Variants in MCC observed in about 807,000 individuals in gnomAD.
MCC encodes the protein MCC regulator of Wnt signaling pathway.
Under a neutral mutation model 116.2 loss-of-function variants are expected in MCC, and 90 were observed. That is an observed-to-expected ratio of 0.77 (90% CI 0.65 to 0.92). The LOEUF is 0.92. Ranked by LOEUF, MCC falls within the 40% of genes least tolerant of loss-of-function variation. MCC has a pLI of 0.00. For synonymous variants in MCC, 578 were observed against 510.5 expected (o/e 1.13, Z -1.78); for missense variants, 1,516 against 1,312.2 (o/e 1.16, Z -2.40).
At chr5:113,462,906 G>C (rs1265433937) in intron 1 of MCC, among the ~76,000 whole-genome samples, 3 of 152,094 alleles carry the variant, frequency 2.0e-5, no homozygotes, top group African/African-American at 7.2e-5. Flanking sequence ...GGGCCAAAAA[G>C]ATATTAACCA....
At chr5:113,238,599 A>G (rs2150337927) in intron 3 of MCC, among the ~76,000 whole-genome samples, 1 of 152,366 alleles carries the variant, frequency 6.6e-6, no homozygotes, top group African/African-American at 2.4e-5. Flanking sequence ...ATACAATTCA[A>G]AAATGAAGGC....
chr5:113,148,312 T>C (rs1561402655), intron 4 of MCC, among the ~76,000 whole-genome samples: 1 of 152,224 alleles, frequency 6.6e-6, no homozygotes, highest in Non-Finnish European at 1.5e-5. Context: ...GCACTTTGTC[T>C]TCCCCATCAC....
At chr5:113,286,662 T>C (rs1766274888) in intron 3 of MCC, among the ~76,000 whole-genome samples, 1 of 152,228 alleles carries the variant, frequency 6.6e-6, no homozygotes, top group Non-Finnish European at 1.5e-5. Flanking sequence ...TTATTGCTTA[T>C]TTACAAAGTT....
At chr5:113,428,462 C>T (rs1046328402) in intron 1 of MCC, among the ~76,000 whole-genome samples, 2 of 152,176 alleles carry the variant, frequency 1.3e-5, no homozygotes, top group African/African-American at 4.8e-5. Context: ...TATGCCCCTT[C>T]CCCAGAGACA....
At chr5:113,248,161 TC>T (rs1411084254) in intron 3 of MCC, among the ~76,000 whole-genome samples, 1 of 151,382 alleles carries the variant, frequency 6.6e-6, no homozygotes, top group African/African-American at 2.4e-5. Context: ...GCCCAAGAGT[TC>T]CAGGTTACAG....
intron 5 of MCC, among the ~76,000 whole-genome samples, chr5:113,141,514 T>TCAGA (rs1759180626): frequency 6.6e-6 from 1 of 152,218 alleles, no homozygotes; most frequent in Non-Finnish European, 1.5e-5. Flanking sequence ...CCAAACCAAT[T>TCAGA]TGCTGGAGTG....
intron 7 of MCC, among the ~76,000 whole-genome samples, chr5:113,103,659 T>C (rs765286847): frequency 1.3e-5 from 2 of 151,350 alleles, no homozygotes; most frequent in Non-Finnish European, 2.9e-5. Flanking sequence ...TGAATTGCTA[T>C]GCCCAGGTCA....
chr5:113,154,947 A>G (rs977382462), intron 3 of MCC, among the ~76,000 whole-genome samples: 1 of 152,152 alleles, frequency 6.6e-6, no homozygotes, highest in Non-Finnish European at 1.5e-5. Flanking sequence ...TGCCAGCTAT[A>G]GTAACCCTAC....
chr5:113,093,137 A>G (rs772745638), intron 8 of MCC, among the ~76,000 whole-genome samples: 3 of 152,260 alleles, frequency 2.0e-5, no homozygotes, highest in Non-Finnish European at 4.4e-5. Context: ...GCAAAACACT[A>G]TCTTAGGACA....
intron 1 of MCC, among the ~76,000 whole-genome samples, chr5:113,445,286 AAAG>A (rs1348780860): frequency 6.6e-5 from 10 of 152,198 alleles, no homozygotes; most frequent in Non-Finnish European, 2.9e-5. Flanking sequence ...CCAGATAGGA[AAAG>A]AAGAAGTCAA....
chr5:113,480,546 A>G (rs894946579), intron 1 of MCC, among the ~76,000 whole-genome samples: 1 of 152,196 alleles, frequency 6.6e-6, no homozygotes, highest in Non-Finnish European at 1.5e-5. Flanking sequence ...CTTCCTCAAG[A>G]ATAAAAGTCG....
In MCC at chr5:113,074,176, C is replaced by T. The variant is rs140239184; in HGVS notation, c.1785-2942G>A. Among the ~76,000 whole-genome samples the T allele has an allele frequency of 3.0e-3, 453 of 152,336 alleles. 1 individual carries two copies. The highest frequency in any genetic ancestry group is 0.01 in the African/African-American group (425 of 41,572). On this transcript the variant is annotated intron_variant, in intron 11 of 18. Transcript: ENST00000408903. The stretch of plus-strand genomic sequence containing the variant: ...CATACAGCTGGGTGCCCCTTTGATA[C>T]GAAGCTTCCAGAGGAAGGATCAGGC...
chr5:113,093,854 TC>T, intron 8 of MCC, among the ~76,000 whole-genome samples: 1 of 152,326 alleles, frequency 6.6e-6, no homozygotes, highest in South Asian at 2.1e-4. Context: ...AAGAGCCTGT[TC>T]TGCTGATGAT....
intron 2 of MCC, among the ~76,000 whole-genome samples, chr5:113,341,587 T>G (rs1305087968): frequency 6.6e-6 from 1 of 152,190 alleles, no homozygotes; most frequent in Non-Finnish European, 1.5e-5. Context: ...CAATAGAATA[T>G]GAACAGAAAT....
At chr5:113,354,994 T>C (rs1768376702) in intron 2 of MCC, among the ~76,000 whole-genome samples, 1 of 152,062 alleles carries the variant, frequency 6.6e-6, no homozygotes, top group Non-Finnish European at 1.5e-5. Flanking sequence ...ATATATATGA[T>C]ATAGATATGT....
At chr5:113,096,885 A>T (rs1439825945) in intron 8 of MCC, among the ~76,000 whole-genome samples, 1 of 152,180 alleles carries the variant, frequency 6.6e-6, no homozygotes, top group Non-Finnish European at 1.5e-5. Context: ...GAGCCACCTG[A>T]GCCTCCCATG....
Position 113,434,973 on chromosome 5 carries a change from G to T in MCC, c.171-49761C>A. The T allele has an allele frequency of 1.8e-6, 2 of 1,109,946 alleles. No individual in the cohort carries two copies. The highest frequency in any genetic ancestry group is 2.5e-6 in the Non-Finnish European group (2 of 785,820). 68.8% of individuals were successfully genotyped at this position (1,109,946 alleles called of 1,614,324 possible). On this transcript the variant is annotated intron_variant, in intron 1 of 18. Coordinates refer to ENST00000408903, the MANE Select transcript of MCC (RefSeq NM_001085377.2). This position sits in a 1 kb window ranked among gnomAD's most constrained non-coding sequence, Gnocchi z 4.2. ...AGGCCTGCTGTTCCTGCCTCCTAGA[G>T]GCCAAGACTCTGGAGTGGAACATTT...
intron 3 of MCC, among the ~76,000 whole-genome samples, chr5:113,311,044 C>CACTT (rs1767124180): frequency 6.6e-6 from 1 of 152,180 alleles, no homozygotes; most frequent in Non-Finnish European, 1.5e-5. Context: ...AAGTGAGGAT[C>CACTT]ACTTGGATGC....
At chr5:113,189,489 G>A (rs894408308) in intron 3 of MCC, among the ~76,000 whole-genome samples, 8 of 152,306 alleles carry the variant, frequency 5.3e-5, no homozygotes, top group East Asian at 3.9e-4. Flanking sequence ...AACTGAGTCC[G>A]AGAATTTAAC....
Sources: gnomAD v4.1 joint callset for allele counts (sites outside exome capture counted in the v4.1 genomes callset) on GRCh38, gnomAD v4.1.1 for gene constraint, Gnocchi (gnomAD v3.1) non-coding constraint, MANE v1.5 for transcripts, NCBI Gene and HGNC (gene_info 2026-07-23, HGNC 2026-07-21) for gene names.